CCDC171: variants seen among roughly 807,000 people sequenced by gnomAD.
CCDC171 encodes coiled-coil domain containing 171, also known as coiled-coil domain-containing protein 171.
CCDC171 carries 177 observed loss-of-function variants against 168.2 expected under a neutral mutation model. The ratio of observed to expected loss-of-function variants is 1.05; its 90% CI spans 0.93 to 1.19. The LOEUF (loss-of-function observed/expected upper bound fraction) is 1.19. CCDC171 is among the 50% of genes most tolerant of loss of function. The pLI is 0.00. For synonymous variants in CCDC171, 687 were observed against 540.8 expected, an observed-to-expected ratio of 1.27 and a Z score of -3.75; for missense variants, 1,991 against 1,539.0, an observed-to-expected ratio of 1.29 and a Z score of -4.91.
Position 15,894,362 on chromosome 9 carries a change from A to T in CCDC171, c.3600+19699A>T, listed in dbSNP as rs532241630. ...TAGGTGATGGGATGATCTGCGCAGC[A>T]AACCACCATGGCACACGTTTACCTG... is the stretch of plus-strand genomic sequence containing the variant. On this transcript the variant is annotated intron_variant, in intron 24 of 25. Coordinates refer to ENST00000380701, the MANE Select transcript of CCDC171 (RefSeq NM_173550.4). Among the ~76,000 whole-genome samples the T allele has an allele frequency of 3.3e-5, 5 of 152,210 alleles. No individual in the cohort carries two copies. The East Asian group carries it at 9.7e-4, about 29-fold the overall frequency.
chr9:16,064,642 G>A (rs757848300), downstream of CCDC171, among the ~76,000 whole-genome samples: 1 of 152,138 alleles, frequency 6.6e-6, no homozygotes, highest in Non-Finnish European at 1.5e-5. Flanking sequence ...GTCATGAAGA[G>A]GCATGGCAAC....
At chr9:16,001,455 G>T (rs370177793) in intron 3 of CCDC171, among the ~76,000 whole-genome samples, 98 of 151,986 alleles carry the variant, frequency 6.4e-4, no homozygotes, top group African/African-American at 2.3e-3. Flanking sequence ...AAGTATTTAC[G>T]GTAGGGTGTG....
chr9:15,823,127 T>C (rs914143527), intron 21 of CCDC171, among the ~76,000 whole-genome samples: 1 of 152,018 alleles, frequency 6.6e-6, no homozygotes, highest in African/African-American at 2.4e-5. Flanking sequence ...TAGGTGGGAA[T>C]TGAACAATGA....
At chr9:15,635,182 A>G (rs1256395306) in intron 7 of CCDC171, among the ~76,000 whole-genome samples, 1 of 152,176 alleles carries the variant, frequency 6.6e-6, no homozygotes, top group East Asian at 1.9e-4. Context: ...GCCATCTGCA[A>G]GCTGAGGAGC....
chr9:15,929,348 C>T lies in CCDC171; in HGVS notation c.3753+8926C>T, dbSNP rs1043838129. On this transcript the variant is annotated intron_variant, in intron 25 of 25. Coordinates refer to ENST00000380701, the MANE Select transcript of CCDC171 (RefSeq NM_173550.4). Reference sequence around the variant, plus strand: ...TTTGTCTTTTTTACCAAATTGAGTTCTTTAAGGGTTTCAATTACCTATTAA... The same window carrying T: ...TTTGTCTTTTTTACCAAATTGAGTTTTTTAAGGGTTTCAATTACCTATTAA... Among the ~76,000 whole-genome samples, 3 of 151,786 alleles carry T rather than the reference C, an allele frequency of 2.0e-5. No individual in the cohort carries two copies. The South Asian group carries it at 6.2e-4, about 31-fold the overall frequency.
intron 4 of CCDC171, among the ~76,000 whole-genome samples, chr9:15,580,450 C>G (rs1205387365): frequency 6.6e-6 from 1 of 152,050 alleles, no homozygotes; most frequent in Non-Finnish European, 1.5e-5. Context: ...AAACAGACAG[C>G]ACAGACTGGG....
chr9:15,585,166 C>T (rs1043045339), intron 4 of CCDC171, among the ~76,000 whole-genome samples: 1 of 152,124 alleles, frequency 6.6e-6, no homozygotes, highest in Non-Finnish European at 1.5e-5. Flanking sequence ...GATACAGCCA[C>T]TTTAGAAAAA....
At chr9:16,088,519 A>G in the CCDC171 span, among the ~76,000 whole-genome samples, 1 of 152,244 alleles carries the variant, frequency 6.6e-6, no homozygotes. Flanking sequence ...AACTTCAGCA[A>G]AGTCTCAGGG....
At chr9:15,914,052 G>A (rs1824113319) in intron 24 of CCDC171, among the ~76,000 whole-genome samples, 1 of 152,138 alleles carries the variant, frequency 6.6e-6, no homozygotes, top group South Asian at 2.1e-4. Context: ...GATACCAGCC[G>A]GAGCGCTTGT....
At chr9:15,607,570 T>C (rs2043318826) in intron 6 of CCDC171, among the ~76,000 whole-genome samples, 2 of 152,182 alleles carry the variant, frequency 1.3e-5, no homozygotes, top group African/African-American at 4.8e-5. Context: ...CAAGCAATCC[T>C]CCCACCTCAG....
chr9:16,091,436 G>A, the CCDC171 span, among the ~76,000 whole-genome samples: 2 of 152,212 alleles, frequency 1.3e-5, no homozygotes, highest in South Asian at 2.1e-4. Flanking sequence ...CATACATGCT[G>A]AAGTCATGAA....
intron 11 of CCDC171, among the ~76,000 whole-genome samples, chr9:15,721,435 G>C (rs2053468763): frequency 6.6e-6 from 1 of 151,534 alleles, no homozygotes; most frequent in Non-Finnish European, 1.5e-5. Flanking sequence ...CGTTACTTAG[G>C]AGACATGAAA....
At chr9:15,993,639 C>T (rs1288436615) in intron 3 of CCDC171, among the ~76,000 whole-genome samples, 1 of 152,114 alleles carries the variant, frequency 6.6e-6, no homozygotes, top group Non-Finnish European at 1.5e-5. Context: ...AAAGAAACTA[C>T]CATCAGCGTG....
At chr9:16,038,592 C>G (rs1473869669), upstream of CCDC171, among the ~76,000 whole-genome samples, 2 of 151,494 alleles carry the variant, frequency 1.3e-5, no homozygotes, top group Admixed American at 6.6e-5. Context: ...ATCAGTAGAA[C>G]AGGAAAAGAG....
the CCDC171 span, among the ~76,000 whole-genome samples, chr9:16,067,833 G>T: frequency 6.6e-6 from 1 of 152,086 alleles, no homozygotes. Flanking sequence ...TCTCTGTTTT[G>T]GTACCAGTGC....
chr9:15,797,522 T>G (rs1361138444), intron 21 of CCDC171, among the ~76,000 whole-genome samples: 9 of 152,194 alleles, frequency 5.9e-5, no homozygotes, highest in African/African-American at 1.9e-4. Context: ...GGCCAACATT[T>G]AATATTTTAA....
intron 6 of CCDC171, among the ~76,000 whole-genome samples, chr9:15,619,588 A>G (rs2044351020): frequency 6.6e-6 from 1 of 152,194 alleles, no homozygotes; most frequent in South Asian, 2.1e-4. Context: ...CATGACTTTT[A>G]GGGAAATAAG....
At chr9:15,913,593 C>G (rs940737076) in intron 24 of CCDC171, among the ~76,000 whole-genome samples, 4 of 152,048 alleles carry the variant, frequency 2.6e-5, no homozygotes, top group African/African-American at 9.7e-5. Context: ...AGAACATGCT[C>G]CTTTAGCTCA....
At chr9:15,914,565 G>C (rs976852069) in intron 24 of CCDC171, among the ~76,000 whole-genome samples, 1 of 152,182 alleles carries the variant, frequency 6.6e-6, no homozygotes, top group Non-Finnish European at 1.5e-5. Flanking sequence ...CAAGCCAGTG[G>C]ATCTTAGCTT....
Sources: allele counts gnomAD v4.1 joint callset (sites outside exome capture counted in the v4.1 genomes callset), GRCh38; gene constraint gnomAD v4.1.1; transcripts MANE v1.5; gene names NCBI Gene and HGNC (gene_info 2026-07-23, HGNC 2026-07-21).